ERBB4: variants seen among roughly 807,000 people sequenced by gnomAD.
ERBB4 encodes receptor tyrosine-protein kinase erbB-4.
A neutral mutation model predicts 158.0 loss-of-function variants in ERBB4; 42 were observed. The observed-to-expected ratio is 0.27, with a 90% CI of 0.21 to 0.34. ERBB4 has a LOEUF of 0.34. Among genes scored for constraint, ERBB4 ranks in the 10% least tolerant of loss-of-function variants. The pLI is 1.00. For synonymous variants in ERBB4, 583 were observed against 558.7 expected (o/e 1.04, Z -0.61); for missense variants, 1,333 against 1,624.1 (o/e 0.82, Z 3.08).
At position 211,380,996 on chromosome 2, in the gene ERBB4, G is replaced by A. The variant is rs562489105; in HGVS notation, c.*2619C>T. ...TCCAAAAAGAGGGCTGTGATGACTCGATGCAGATTTATTTAGAAAGGGAGG... is the reference window on the plus strand; with the variant it reads ...TCCAAAAAGAGGGCTGTGATGACTCAATGCAGATTTATTTAGAAAGGGAGG... On this transcript the variant is annotated 3_prime_UTR_variant, in exon 28 of 28. Coordinates refer to ENST00000342788, the MANE Select transcript of ERBB4 (RefSeq NM_005235.3). 61 of 232,190 alleles carry A rather than the reference G, an allele frequency of 2.6e-4. No homozygotes were observed. Among genetic ancestry groups the A allele is most frequent in the Non-Finnish European group, 4.2e-4 (49 of 117,474 alleles). The allele number at this position is 232,190 out of a possible 1,614,324, so 14.4% of individuals were successfully genotyped here.
intron 16 of ERBB4, among the ~76,000 whole-genome samples, chr2:211,648,314 C>A (rs1284321722): frequency 2.0e-5 from 3 of 151,664 alleles, no homozygotes; most frequent in Admixed American, 2.0e-4. Context: ...CTGCATATCA[C>A]ATACTCATTT....
intron 2 of ERBB4, among the ~76,000 whole-genome samples, chr2:212,024,975 A>G (rs1321436275): frequency 6.6e-6 from 1 of 151,890 alleles, no homozygotes; most frequent in Non-Finnish European, 1.5e-5. Context: ...TTCTCTATAA[A>G]TAAGGGCTAC....
At chr2:212,045,769 A>C (rs2077246642) in intron 2 of ERBB4, among the ~76,000 whole-genome samples, 1 of 152,218 alleles carries the variant, frequency 6.6e-6, no homozygotes, top group South Asian at 2.1e-4. Flanking sequence ...AGCTTTTACA[A>C]TCAAAGTAGT....
At chr2:212,415,668 CTATAA>C (rs1243786690) in intron 1 of ERBB4, among the ~76,000 whole-genome samples, 1 of 152,052 alleles carries the variant, frequency 6.6e-6, no homozygotes, top group African/African-American at 2.4e-5. Flanking sequence ...CATTGATATA[CTATAA>C]TATTTTATGA....
chr2:212,070,031 G>A lies in ERBB4; in HGVS notation c.234+54721C>T, dbSNP rs2078065406. Among the ~76,000 whole-genome samples, 3 of 151,922 alleles carry A rather than the reference G, an allele frequency of 2.0e-5. No homozygotes were observed. The South Asian group carries it at 6.2e-4, about 32-fold the overall frequency. On this transcript the variant is annotated intron_variant, in intron 2 of 27. Transcript: ENST00000342788. The stretch of plus-strand genomic sequence containing the variant: ...GCTACTTGGGAAGCTGAGGTGGGAG[G>A]AGTTGCTGAGCCCATCAGTTCAAGG...
intron 1 of ERBB4, among the ~76,000 whole-genome samples, chr2:212,165,280 T>C (rs1010480293): frequency 6.6e-6 from 1 of 151,848 alleles, no homozygotes; most frequent in African/African-American, 2.4e-5. Context: ...AATTTTTTAA[T>C]ATCAATGTCA....
chr2:211,990,593 A>T (rs1201817528), intron 2 of ERBB4, among the ~76,000 whole-genome samples: 4 of 151,900 alleles, frequency 2.6e-5, no homozygotes, highest in Non-Finnish European at 4.4e-5. Context: ...AGAACAATTC[A>T]ACTTCTAGCA....
intron 2 of ERBB4, among the ~76,000 whole-genome samples, chr2:212,114,305 TG>T (rs1285345865): frequency 6.6e-6 from 1 of 152,164 alleles, no homozygotes; most frequent in Non-Finnish European, 1.5e-5. Context: ...AGCCAGCACA[TG>T]AATAATTAGG....
intron 12 of ERBB4, among the ~76,000 whole-genome samples, chr2:211,696,059 CTCCCT>C (rs1176147214): frequency 5.0e-5 from 6 of 119,142 alleles, no homozygotes; most frequent in African/African-American, 1.6e-4. Flanking sequence ...CCCCCCCTCC[CTCCCT>C]CCCTCCTTCC....
At chr2:212,091,201 A>T (rs570310929) in intron 2 of ERBB4, among the ~76,000 whole-genome samples, 106 of 6,080 alleles carry the variant, frequency 0.017, no homozygotes, top group African/African-American at 0.019. Context: ...GGAGACAGGT[A>T]AAAAAAAAAA....
At chr2:211,883,520 G>A (rs566077526) in intron 3 of ERBB4, among the ~76,000 whole-genome samples, 2 of 152,250 alleles carry the variant, frequency 1.3e-5, no homozygotes, top group African/African-American at 2.4e-5. Context: ...GCTCACACCT[G>A]TAATCCCAGC....
At position 211,689,173 on chromosome 2, in the gene ERBB4, C is replaced by T. The variant is rs142249854; in HGVS notation, c.1490-9989G>A. ...TACAGAGGAAGAGGTTTCTCTCATTCCACAAAAGAAATGTCAGCATAAATG... is the reference window on the plus strand; with the variant it reads ...TACAGAGGAAGAGGTTTCTCTCATTTCACAAAAGAAATGTCAGCATAAATG... On this transcript the variant is annotated intron_variant, in intron 12 of 27. Coordinates refer to ENST00000342788, the MANE Select transcript of ERBB4 (RefSeq NM_005235.3). Among the ~76,000 whole-genome samples, 483 of 152,190 alleles carry T rather than the reference C, an allele frequency of 3.2e-3. 2 individuals are homozygous for T. Among genetic ancestry groups the T allele is most frequent in the African/African-American group, 0.011 (439 of 41,526 alleles).
chr2:212,430,634 G>C (rs1368469380), intron 1 of ERBB4, among the ~76,000 whole-genome samples: 1 of 151,894 alleles, frequency 6.6e-6, no homozygotes, highest in Non-Finnish European at 1.5e-5. Flanking sequence ...TAGAGATGGG[G>C]TTTCACCATG....
chr2:211,478,916 G>A (rs566624654), intron 20 of ERBB4, among the ~76,000 whole-genome samples: 1 of 152,202 alleles, frequency 6.6e-6, no homozygotes, highest in African/African-American at 2.4e-5. Flanking sequence ...GGTAATGTAA[G>A]GCTTCTTCAT....
At chr2:211,694,231 G>C (rs1393727252) in intron 12 of ERBB4, among the ~76,000 whole-genome samples, 3 of 152,102 alleles carry the variant, frequency 2.0e-5, no homozygotes, top group African/African-American at 7.2e-5. Context: ...AGAATCTCTG[G>C]AGAACTGGAG....
At chr2:212,422,104 AAT>A (rs1474853385) in intron 1 of ERBB4, among the ~76,000 whole-genome samples, 2 of 152,180 alleles carry the variant, frequency 1.3e-5, no homozygotes, top group African/African-American at 4.8e-5. Context: ...AGAATCTTGT[AAT>A]ATGACTAAAT....
At chr2:212,098,871 T>C (rs1039668963) in intron 2 of ERBB4, among the ~76,000 whole-genome samples, 3 of 152,158 alleles carry the variant, frequency 2.0e-5, no homozygotes, top group African/African-American at 7.2e-5. Flanking sequence ...TATTCAGGAA[T>C]GATGCAGAAA....
At chr2:212,458,939 C>T (rs78220880) in intron 1 of ERBB4, among the ~76,000 whole-genome samples, 3,552 of 152,216 alleles carry the variant, frequency 0.023, 57 homozygotes, top group African/African-American at 0.045. Context: ...TATAGGCATT[C>T]AAATAGCTGA....
intron 1 of ERBB4, among the ~76,000 whole-genome samples, chr2:212,125,884 G>A (rs773553975): frequency 3.3e-5 from 5 of 152,124 alleles, no homozygotes; most frequent in African/African-American, 9.7e-5. Flanking sequence ...GAGCATAAAC[G>A]TGCATGTGTC....
Sources: allele counts gnomAD v4.1 joint callset (sites outside exome capture counted in the v4.1 genomes callset), GRCh38; gene constraint gnomAD v4.1.1; transcripts MANE v1.5; gene names NCBI Gene and HGNC (gene_info 2026-07-23, HGNC 2026-07-21).